The following ASCC3 variants were observed in gnomAD, a reference collection of about 807,000 sequenced individuals.
ASCC3 encodes activating signal cointegrator 1 complex subunit 3.
In ASCC3, 158 loss-of-function variants were observed where a neutral mutation model predicts 256.3. That is an observed-to-expected ratio of 0.62 (90% CI 0.54 to 0.70). The LOEUF (loss-of-function observed/expected upper bound fraction) is 0.70. ASCC3 is among the 30% of genes least tolerant of loss of function. The pLI is 0.00. For synonymous variants in ASCC3, 948 were observed against 883.4 expected (o/e 1.07, Z -1.30); for missense variants, 2,259 against 2,626.0 (o/e 0.86, Z 3.05).
intron 4 of ASCC3, among the ~76,000 whole-genome samples, chr6:100,808,797 T>C (rs536962309): frequency 1.3e-5 from 2 of 152,026 alleles, no homozygotes; most frequent in Non-Finnish European, 2.9e-5. Flanking sequence ...TAGAGTGTAA[T>C]TACACAAACC....
At chr6:100,636,487 T>G (rs1774850126) in intron 25 of ASCC3, among the ~76,000 whole-genome samples, 1 of 152,134 alleles carries the variant, frequency 6.6e-6, no homozygotes, top group Admixed American at 6.6e-5. Context: ...ATATTGAAAT[T>G]AGGTCAATTA....
At chr6:100,773,812 G>C (rs1300681161) in intron 8 of ASCC3, among the ~76,000 whole-genome samples, 2 of 151,870 alleles carry the variant, frequency 1.3e-5, no homozygotes, top group East Asian at 3.9e-4. Context: ...ATTAAATGAG[G>C]GGAAAAGTTT....
At chr6:100,872,571 A>G (rs1773799142) in intron 1 of ASCC3, among the ~76,000 whole-genome samples, 1 of 152,086 alleles carries the variant, frequency 6.6e-6, no homozygotes, top group Non-Finnish European at 1.5e-5. Context: ...CTCCAGAATG[A>G]CGGCAGGAAT....
At chr6:100,613,006 A>G (rs1041908976) in intron 30 of ASCC3, among the ~76,000 whole-genome samples, 2 of 152,014 alleles carry the variant, frequency 1.3e-5, no homozygotes, top group Non-Finnish European at 2.9e-5. Flanking sequence ...TGCCAAATAT[A>G]CACAATACTA....
At chr6:100,635,070 A>T (rs749540468) in intron 25 of ASCC3, among the ~76,000 whole-genome samples, 12 of 152,048 alleles carry the variant, frequency 7.9e-5, no homozygotes, top group Admixed American at 2.0e-4. Context: ...AAAGGAAATG[A>T]GATCAGTATC....
At chr6:100,789,719 T>C (rs1769263089) in intron 8 of ASCC3, among the ~76,000 whole-genome samples, 1 of 151,988 alleles carries the variant, frequency 6.6e-6, no homozygotes, top group Non-Finnish European at 1.5e-5. Context: ...TCTTGTATAA[T>C]ACGTAAAGAC....
intron 13 of ASCC3, among the ~76,000 whole-genome samples, chr6:100,682,576 C>T (rs1777358824): frequency 6.6e-6 from 1 of 152,158 alleles, no homozygotes; most frequent in African/African-American, 2.4e-5. Context: ...TGGTTTTCTG[C>T]ATTCATCCAT....
chr6:100,643,919 T>A (rs1479882032), intron 23 of ASCC3, 112 bp downstream of exon 23: 6 of 721,602 alleles, frequency 8.3e-6, no homozygotes, highest in Non-Finnish European at 1.4e-5. Context: ...AACTAAAACA[T>A]AAAATAAAGT....
chr6:100,680,918 C>T (rs1419762592), intron 13 of ASCC3, among the ~76,000 whole-genome samples: 1 of 152,104 alleles, frequency 6.6e-6, no homozygotes, highest in Non-Finnish European at 1.5e-5. Flanking sequence ...AATCGATAGG[C>T]TCATGTGAGC....
chr6:100,615,974 C>T (rs1416758354), intron 30 of ASCC3, among the ~76,000 whole-genome samples: 2 of 152,082 alleles, frequency 1.3e-5, no homozygotes, highest in Admixed American at 6.5e-5. Flanking sequence ...TATTTTAGTT[C>T]TATAAAAAAC....
At chr6:100,786,403 T>C (rs1185678418) in intron 8 of ASCC3, among the ~76,000 whole-genome samples, 4 of 152,166 alleles carry the variant, frequency 2.6e-5, no homozygotes, top group Non-Finnish European at 5.9e-5. Context: ...TAAAATGGCA[T>C]TCTTGCACTA....
intron 4 of ASCC3, among the ~76,000 whole-genome samples, chr6:100,824,594 C>T (rs1771207311): frequency 6.6e-6 from 1 of 152,144 alleles, no homozygotes; most frequent in Non-Finnish European, 1.5e-5. Flanking sequence ...ATATTGAGAT[C>T]AGCCACTAAA....
chr6:100,862,516 G>A lies in ASCC3; in HGVS notation c.241+1548C>T, dbSNP rs139241433. Among the ~76,000 whole-genome samples the A allele has an allele frequency of 5.1e-3, 783 of 152,188 alleles. 10 individuals carry two copies. The highest frequency in any genetic ancestry group is 0.018 in the African/African-American group (743 of 41,514). On this transcript the variant is annotated intron_variant, in intron 3 of 41. Transcript: ENST00000369162. ...TGAGACGTAACAGAAACACAATCCA[G>A]AGCTGGTACATGGAATAAAATTGCC... is the stretch of plus-strand genomic sequence containing the variant.
chr6:100,652,919 T>C (rs759055695), intron 17 of ASCC3, 30 bp from the exon 18 acceptor site: 1 of 1,598,846 alleles, frequency 6.3e-7, no homozygotes, highest in South Asian at 1.1e-5. Flanking sequence ...AACAGTTGAA[T>C]AGTGCTTTAG....
chr6:100,599,342 A>C (rs1772472980), intron 34 of ASCC3, among the ~76,000 whole-genome samples: 1 of 152,172 alleles, frequency 6.6e-6, no homozygotes, highest in Non-Finnish European at 1.5e-5. Flanking sequence ...GACATTCTAC[A>C]AAACAATTGG....
chr6:100,711,007 C>CT (rs1778828140), intron 13 of ASCC3, among the ~76,000 whole-genome samples: 1 of 152,032 alleles, frequency 6.6e-6, no homozygotes, highest in African/African-American at 2.4e-5. Context: ...TTACAATAGT[C>CT]TATGTTTATT....
intron 36 of ASCC3, among the ~76,000 whole-genome samples, chr6:100,582,886 C>A (rs1582493859): frequency 6.6e-6 from 1 of 152,148 alleles, no homozygotes; most frequent in Non-Finnish European, 1.5e-5. Context: ...TGCTGGATTA[C>A]ATTTATTGAT....
In ASCC3 at chr6:100,519,291, T is replaced by C. The variant is rs187290896; in HGVS notation, c.5776-1149A>G. Among the ~76,000 whole-genome samples the C allele has an allele frequency of 3.2e-3, 480 of 152,256 alleles. 3 individuals are homozygous for C. The highest frequency in any genetic ancestry group is 0.02 in the Middle Eastern group (6 of 294). On this transcript the variant is annotated intron_variant, in intron 37 of 41. Coordinates refer to ENST00000369162, the MANE Select transcript of ASCC3 (RefSeq NM_006828.4). ...GGATATCATGATTCATGTGATGGCATGGTCAAATTGGTCTTTAGCATCCAT... is the reference window on the plus strand; with the variant it reads ...GGATATCATGATTCATGTGATGGCACGGTCAAATTGGTCTTTAGCATCCAT...
At chr6:100,689,627 T>C (rs1777741766) in intron 13 of ASCC3, among the ~76,000 whole-genome samples, 1 of 152,204 alleles carries the variant, frequency 6.6e-6, no homozygotes. Context: ...AGACCACATA[T>C]TTTTCAGCAG....
Sources: gnomAD v4.1 joint callset for allele counts (sites outside exome capture counted in the v4.1 genomes callset) on GRCh38, gnomAD v4.1.1 for gene constraint, MANE v1.5 for transcripts, NCBI Gene and HGNC (gene_info 2026-07-23, HGNC 2026-07-21) for gene names.